Variants in CRYM observed in about 807,000 individuals in gnomAD.
The protein encoded by CRYM is crystallin mu.
In CRYM, 18 loss-of-function variants were observed where a neutral mutation model predicts 32.9. The ratio of observed to expected loss-of-function variants is 0.55; its 90% CI spans 0.38 to 0.81. The LOEUF is 0.81. Ranked by LOEUF, CRYM falls within the 30% of genes least tolerant of loss-of-function variation. The probability of loss-of-function intolerance (pLI) is 0.00; values close to 1 mark genes in which losing one functional copy is unlikely to be tolerated. For missense variants in CRYM, 337 were observed against 393.5 expected (o/e 0.86, Z 1.21); for synonymous variants, 153 against 152.4 (o/e 1.00, Z -0.03).
intron 6 of CRYM, chr16:21,261,746 C>A: frequency 2.1e-6 from 1 of 477,612 alleles, no homozygotes; most frequent in Non-Finnish European, 3.8e-6. Flanking sequence ...GGGAAGGTTT[C>A]CAGGCTGCAA....
chr16:21,277,989 C>T lies in CRYM; in HGVS notation c.170+93G>A. ...AGCTGTTAGCAACGGTTAGGCAAGC[C>T]GTCTCTTCCCTTCTCCCACCCCTCC... On this transcript the variant is annotated intron_variant, in intron 1 of 7. Coordinates refer to ENST00000572914, the MANE Select transcript of CRYM (RefSeq NM_001376256.1). This position sits in a 1 kb window ranked among gnomAD's most constrained non-coding sequence, Gnocchi z 4.2. The T allele has an allele frequency of 1.5e-6, 2 of 1,378,738 alleles. No homozygotes were observed. The highest frequency in any genetic ancestry group is 2.1e-5 in the Admixed American group (1 of 46,694). 85.4% of individuals were successfully genotyped at this position (1,378,738 alleles called of 1,614,324 possible). A position where few individuals can be genotyped will look rare whatever the true frequency, so the allele number is the denominator to read the frequency against.
At chr16:21,282,653 T>G (rs2093400212), upstream of CRYM, among the ~76,000 whole-genome samples, 2 of 152,166 alleles carry the variant, frequency 1.3e-5, no homozygotes. Flanking sequence ...ATTTTAACAA[T>G]GACAAAATAA....
intron 5 of CRYM, among the ~76,000 whole-genome samples, chr16:21,263,157 T>A (rs996629989): frequency 4.7e-4 from 71 of 152,036 alleles, no homozygotes; most frequent in African/African-American, 1.7e-3. Context: ...ATCCTAACAC[T>A]CTGGAAGGCT....
chr16:21,291,345 A>G (rs1290933733), intron 1 of CRYM, among the ~76,000 whole-genome samples: 5 of 152,204 alleles, frequency 3.3e-5, no homozygotes, highest in African/African-American at 1.2e-4. Context: ...GAAAGTGAGT[A>G]TCTGAGGCTC....
At chr16:21,290,333 A>G (rs1033366408) in intron 1 of CRYM, among the ~76,000 whole-genome samples, 6 of 152,018 alleles carry the variant, frequency 3.9e-5, no homozygotes, top group African/African-American at 1.4e-4. Context: ...AACAACCTGG[A>G]TGTGCCACCT....
At chr16:21,299,288 G>A (rs537357244) in intron 1 of CRYM, among the ~76,000 whole-genome samples, 3 of 152,072 alleles carry the variant, frequency 2.0e-5, no homozygotes, top group Admixed American at 1.3e-4. Flanking sequence ...AGCAACATTA[G>A]GCTTTTAGTT....
Position 21,277,364 on chromosome 16 carries a change from A to G in CRYM, c.324+67T>C. 6.4e-7 allele frequency: 1 copy of G among 1,570,440 alleles called. No individual in the cohort carries two copies. Among genetic ancestry groups the G allele is most frequent in the Non-Finnish European group, 8.7e-7 (1 of 1,151,092 alleles). ...AATCAAGACTCCCCCTGCTGCGGAG[A>G]ACTTACTTTTGAGCTTCAATCTGGG... On this transcript the variant is annotated intron_variant, in intron 2 of 7. Transcript: ENST00000572914. This position sits in a 1 kb window ranked among gnomAD's most constrained non-coding sequence, Gnocchi z 4.2.
chr16:21,262,900 C>T (rs1396504209), intron 5 of CRYM, among the ~76,000 whole-genome samples: 1 of 152,170 alleles, frequency 6.6e-6, no homozygotes, highest in Non-Finnish European at 1.5e-5. Context: ...CACCTAGGCG[C>T]TCACACCTCT....
chr16:21,302,595 G>A (rs1013012495), intron 1 of CRYM, among the ~76,000 whole-genome samples: 2 of 152,196 alleles, frequency 1.3e-5, no homozygotes, highest in African/African-American at 4.8e-5. Context: ...GTAGAAAGGT[G>A]CTGGAGGGCT....
intron 1 of CRYM, among the ~76,000 whole-genome samples, chr16:21,284,911 C>G (rs1287445726): frequency 2.0e-5 from 3 of 152,194 alleles, no homozygotes; most frequent in Non-Finnish European, 2.9e-5. Flanking sequence ...TAAGTGTTCT[C>G]TTTTCTCCAC....
At chr16:21,295,064 A>G (rs2152865566) in intron 1 of CRYM, among the ~76,000 whole-genome samples, 1 of 152,282 alleles carries the variant, frequency 6.6e-6, no homozygotes, top group East Asian at 1.9e-4. Flanking sequence ...TATCCAGTCT[A>G]TCACTGATGG....
At chr16:21,268,069 T>C (rs1339076921) in intron 4 of CRYM, among the ~76,000 whole-genome samples, 2 of 152,202 alleles carry the variant, frequency 1.3e-5, no homozygotes, top group East Asian at 3.8e-4. Context: ...GCAGAGCAAG[T>C]TCTGGAGCCA....
chr16:21,262,447 G>A, intron 5 of CRYM: 3 of 369,048 alleles, frequency 8.1e-6, no homozygotes, highest in Non-Finnish European at 1.1e-5. Flanking sequence ...GTGAAACCCT[G>A]TGTCTACTAA....
At chr16:21,298,333 C>A (rs891560759) in intron 1 of CRYM, among the ~76,000 whole-genome samples, 1 of 152,234 alleles carries the variant, frequency 6.6e-6, no homozygotes, top group African/African-American at 2.4e-5. Context: ...CCAAGAGATA[C>A]GTAAAATAAT....
chr16:21,262,005 G>A (rs770625364), intron 6 of CRYM, 32 bp downstream of exon 6: 1 of 1,613,178 alleles, frequency 6.2e-7, no homozygotes, highest in Non-Finnish European at 8.5e-7. Context: ...CCAGCCAGGT[G>A]GCAGCCCTGA....
chr16:21,294,606 G>A (rs1051909431), intron 1 of CRYM, among the ~76,000 whole-genome samples: 6 of 151,804 alleles, frequency 4.0e-5, no homozygotes, highest in African/African-American at 9.7e-5. Flanking sequence ...TGCAGTGTTC[G>A]GTTTTCTGTT....
chr16:21,294,507 G>A (rs1397886926), intron 1 of CRYM, among the ~76,000 whole-genome samples: 1 of 151,550 alleles, frequency 6.6e-6, no homozygotes, highest in African/African-American at 2.4e-5. Context: ...CTCCTTCCCC[G>A]CCACCCCCTG....
chr16:21,279,780 A>C (rs2093394959), upstream of CRYM, among the ~76,000 whole-genome samples: 1 of 152,208 alleles, frequency 6.6e-6, no homozygotes, highest in Non-Finnish European at 1.5e-5. Flanking sequence ...TCACATCATG[A>C]TAAAAGACAG....
chr16:21,296,899 C>T (rs1182356943), intron 1 of CRYM, among the ~76,000 whole-genome samples: 1 of 151,934 alleles, frequency 6.6e-6, no homozygotes, highest in Non-Finnish European at 1.5e-5. Flanking sequence ...GTCCTAGCTA[C>T]TCAGGAGGCT....
Sources: gnomAD v4.1 joint callset for allele counts (sites outside exome capture counted in the v4.1 genomes callset) on GRCh38, gnomAD v4.1.1 for gene constraint, Gnocchi (gnomAD v3.1) non-coding constraint, MANE v1.5 for transcripts, NCBI Gene and HGNC (gene_info 2026-07-23, HGNC 2026-07-21) for gene names.